Variants in CNTNAP2 observed in about 807,000 individuals in gnomAD.
CNTNAP2 encodes contactin associated protein 2, also known as contactin-associated protein-like 2.
CNTNAP2 carries 98 observed loss-of-function variants against 155.2 expected under a neutral mutation model. The ratio of observed to expected loss-of-function variants is 0.63; its 90% CI spans 0.54 to 0.75. The LOEUF is 0.75. Among genes scored for constraint, CNTNAP2 ranks in the 30% least tolerant of loss-of-function variants. The probability of loss-of-function intolerance (pLI) is 0.00; values close to 1 mark genes in which losing one functional copy is unlikely to be tolerated. For missense variants in CNTNAP2, 1,727 were observed against 1,688.1 expected, an observed-to-expected ratio of 1.02 and a Z score of -0.40; for synonymous variants, 651 against 631.2, an observed-to-expected ratio of 1.03 and a Z score of -0.47.
chr7:146,265,573 C>T (rs1230360494), intron 1 of CNTNAP2, among the ~76,000 whole-genome samples: 1 of 151,652 alleles, frequency 6.6e-6, no homozygotes, highest in Non-Finnish European at 1.5e-5. Flanking sequence ...ATTCTCATGC[C>T]TCAGCCTCCT....
intron 15 of CNTNAP2, among the ~76,000 whole-genome samples, chr7:148,045,781 G>A (rs1046141660): frequency 4.6e-5 from 7 of 152,088 alleles, no homozygotes; most frequent in South Asian, 2.1e-4. Context: ...ACATAGCAGC[G>A]ATACAAGGCC....
At chr7:147,685,560 T>C (rs974761213) in intron 13 of CNTNAP2, among the ~76,000 whole-genome samples, 1 of 151,972 alleles carries the variant, frequency 6.6e-6, no homozygotes, top group Admixed American at 6.6e-5. Flanking sequence ...TTCACTGTGT[T>C]TCCTTCACAG....
chr7:146,955,692 G>A (rs1797419609), intron 3 of CNTNAP2, among the ~76,000 whole-genome samples: 3 of 152,052 alleles, frequency 2.0e-5, no homozygotes, highest in South Asian at 2.1e-4. Context: ...ATTTTAAAAT[G>A]CATTACTCCT....
chr7:147,654,868 C>T (rs1229147418), intron 13 of CNTNAP2, among the ~76,000 whole-genome samples: 1 of 126,664 alleles, frequency 7.9e-6, no homozygotes, highest in Non-Finnish European at 1.5e-5. Context: ...GGCTGGAGTG[C>T]AGTGGTGTGA....
intron 14 of CNTNAP2, among the ~76,000 whole-genome samples, chr7:147,910,931 AT>A (rs939752167): frequency 1.3e-5 from 2 of 151,976 alleles, no homozygotes; most frequent in Non-Finnish European, 2.9e-5. Context: ...GCACAATTTC[AT>A]TTTTTTTCCA....
At chr7:146,697,251 A>AT (rs200971747) in intron 1 of CNTNAP2, among the ~76,000 whole-genome samples, 1,924 of 151,366 alleles carry the variant, frequency 0.013, 38 homozygotes, top group African/African-American at 0.043. Flanking sequence ...TTATTTATTT[A>AT]TTTTGAGACA....
intron 13 of CNTNAP2, among the ~76,000 whole-genome samples, chr7:147,795,353 A>G (rs1190873961): frequency 6.6e-6 from 1 of 151,834 alleles, no homozygotes; most frequent in Admixed American, 6.6e-5. Context: ...TTTTATTGAC[A>G]TATTTGTACT....
At chr7:146,202,617 G>A (rs942325671) in intron 1 of CNTNAP2, among the ~76,000 whole-genome samples, 2 of 151,644 alleles carry the variant, frequency 1.3e-5, no homozygotes, top group African/African-American at 4.9e-5. Context: ...TTTAAAAATG[G>A]TGAACAACTG....
intron 13 of CNTNAP2, among the ~76,000 whole-genome samples, chr7:147,678,650 A>G (rs150087094): frequency 0.016 from 2,486 of 152,032 alleles, 220 homozygotes; most frequent in Admixed American, 0.15. Flanking sequence ...CTTAGTTCTC[A>G]TATACACATT....
chr7:147,740,357 A>G (rs913017417), intron 13 of CNTNAP2, among the ~76,000 whole-genome samples: 2 of 152,348 alleles, frequency 1.3e-5, no homozygotes, highest in East Asian at 3.9e-4. Flanking sequence ...CAAAAATAGT[A>G]AAAATAGATG....
At chr7:146,347,163 C>A (rs1052596360) in intron 1 of CNTNAP2, among the ~76,000 whole-genome samples, 2 of 145,694 alleles carry the variant, frequency 1.4e-5, no homozygotes, top group Non-Finnish European at 3.0e-5. Flanking sequence ...AAAAAAAAAC[C>A]CTGCCTGTGC....
chr7:147,123,095 T>C (rs1801154323), intron 6 of CNTNAP2, among the ~76,000 whole-genome samples: 1 of 152,112 alleles, frequency 6.6e-6, no homozygotes, highest in Non-Finnish European at 1.5e-5. Flanking sequence ...AATTTAAGAT[T>C]ATTGGAAAGT....
chr7:148,041,018 T>C (rs959861072), intron 15 of CNTNAP2, among the ~76,000 whole-genome samples: 1 of 152,196 alleles, frequency 6.6e-6, no homozygotes, highest in Non-Finnish European at 1.5e-5. Flanking sequence ...TTTATAGATG[T>C]ACAACATAAA....
chr7:146,840,910 T>G (rs2129200813), intron 3 of CNTNAP2, among the ~76,000 whole-genome samples: 1 of 152,340 alleles, frequency 6.6e-6, no homozygotes, highest in East Asian at 1.9e-4. Flanking sequence ...AAATAACTCC[T>G]TTCAAGTCAT....
At chr7:147,447,615 T>C (rs1005588695) in intron 10 of CNTNAP2, among the ~76,000 whole-genome samples, 2 of 152,140 alleles carry the variant, frequency 1.3e-5, no homozygotes, top group African/African-American at 4.8e-5. Flanking sequence ...AGACGAGGTT[T>C]CAACATGTTG....
intron 8 of CNTNAP2, among the ~76,000 whole-genome samples, chr7:147,174,889 A>C (rs926205586): frequency 2.6e-5 from 4 of 152,150 alleles, no homozygotes; most frequent in Non-Finnish European, 5.9e-5. Flanking sequence ...TTTTTCATAG[A>C]TAGATCGCAC....
chr7:147,481,500 C>A (rs1452460073), intron 10 of CNTNAP2, among the ~76,000 whole-genome samples: 5 of 152,232 alleles, frequency 3.3e-5, no homozygotes, highest in African/African-American at 1.2e-4. Context: ...ATCTAACCAG[C>A]CACTCTGTCC....
intron 3 of CNTNAP2, among the ~76,000 whole-genome samples, chr7:146,935,869 T>C (rs1796904054): frequency 6.6e-6 from 1 of 152,168 alleles, no homozygotes; most frequent in African/African-American, 2.4e-5. Context: ...ATTTGGTTTA[T>C]GGAGACCCTA....
intron 14 of CNTNAP2, among the ~76,000 whole-genome samples, chr7:147,954,285 A>C (rs1209631361): frequency 6.6e-6 from 1 of 152,074 alleles, no homozygotes; most frequent in Non-Finnish European, 1.5e-5. Context: ...GACTTTGTTC[A>C]AGTCAGATTT....
Sources: allele counts gnomAD v4.1 joint callset (sites outside exome capture counted in the v4.1 genomes callset), GRCh38; gene constraint gnomAD v4.1.1; transcripts MANE v1.5; gene names NCBI Gene and HGNC (gene_info 2026-07-23, HGNC 2026-07-21).